The following LEMD2 variants were observed in gnomAD, a reference collection of about 807,000 sequenced individuals.
LEMD2 encodes LEM domain nuclear envelope protein 2, also known as LEM domain-containing protein 2.
LEMD2 carries 34 observed loss-of-function variants against 58.8 expected under a neutral mutation model. The ratio of observed to expected loss-of-function variants is 0.58; its 90% CI spans 0.44 to 0.77. The LOEUF (loss-of-function observed/expected upper bound fraction) is 0.77, where lower values mean the gene tolerates loss of function less well. LEMD2 is among the 30% of genes least tolerant of loss of function. The pLI, the probability that LEMD2 is intolerant of heterozygous loss-of-function variation, is 0.00. For synonymous variants in LEMD2, 298 were observed against 308.9 expected (o/e 0.96, Z 0.37); for missense variants, 629 against 717.9 (o/e 0.88, Z 1.42).
At chr6:33,781,025 T>C in intron 4 of LEMD2, 52 bp downstream of exon 4, 7 of 1,266,360 alleles carry the variant, frequency 5.5e-6, no homozygotes, top group East Asian at 2.3e-5. Context: ...GAAAGACCAA[T>C]AGGAAAGCAC....
At chr6:33,779,015 C>G (rs1767504065) in intron 5 of LEMD2, 1 of 152,210 alleles carries the variant, frequency 6.6e-6, no homozygotes, top group African/African-American at 2.4e-5. Context: ...GCGAGAATAT[C>G]ATGCTCTTGA....
At chr6:33,787,187 T>A (rs780253660) in intron 1 of LEMD2, 7 of 193,244 alleles carry the variant, frequency 3.6e-5, no homozygotes, top group South Asian at 9.0e-5. Flanking sequence ...GGAGGGGAAG[T>A]CCAGGTAAAT....
chr6:33,780,484 G>A (rs76112893), intron 4 of LEMD2, among the ~76,000 whole-genome samples: 10,470 of 152,248 alleles, frequency 0.069, 611 homozygotes, highest in African/African-American at 0.16. Context: ...GCTCATCTTA[G>A]GGTAAAGCGA....
intron 3 of LEMD2, among the ~76,000 whole-genome samples, chr6:33,783,408 A>G (rs1268093481): frequency 6.6e-6 from 1 of 152,100 alleles, no homozygotes; most frequent in Non-Finnish European, 1.5e-5. Flanking sequence ...CCCGACCCTA[A>G]TTTCCCAGTG....
chr6:33,780,048 A>T (rs1767528520), intron 5 of LEMD2, 52 bp downstream of exon 5: 2 of 1,446,200 alleles, frequency 1.4e-6, no homozygotes, highest in African/African-American at 2.8e-5. Flanking sequence ...CTGACGAGCG[A>T]GGACAGTGGT....
intron 2 of LEMD2, 50 bp from the exon 3 acceptor site, chr6:33,784,477 G>GGGGGGGGGGCCCCCCCCCCC: frequency 4.6e-6 from 2 of 430,810 alleles, no homozygotes; most frequent in Non-Finnish European, 4.8e-6. Flanking sequence ...GGTGGGAGGG[G>GGGGGGGGGGCCCCCCCCCCC]TCCGTCTGTC....
At chr6:33,774,748 G>C (rs989980260) in intron 8 of LEMD2, among the ~76,000 whole-genome samples, 2 of 152,132 alleles carry the variant, frequency 1.3e-5, no homozygotes, top group Non-Finnish European at 2.9e-5. Flanking sequence ...GTGACTTAAT[G>C]AACTTTGAGG....
intron 3 of LEMD2, 174 bp from the exon 4 acceptor site, chr6:33,781,327 TG>T (rs1767560579): frequency 1.3e-5 from 8 of 601,024 alleles, no homozygotes; most frequent in Middle Eastern, 2.6e-4. Context: ...CCACTTAGCT[TG>T]GATCGATTCC....
chr6:33,786,311 C>T (rs1486798654), intron 2 of LEMD2, among the ~76,000 whole-genome samples: 2 of 152,180 alleles, frequency 1.3e-5, no homozygotes, highest in Non-Finnish European at 2.9e-5. Flanking sequence ...ATCAGAACAG[C>T]ATTTTCAGAG....
At chr6:33,783,485 C>T (rs914318316) in intron 3 of LEMD2, among the ~76,000 whole-genome samples, 11 of 152,192 alleles carry the variant, frequency 7.2e-5, no homozygotes, top group Non-Finnish European at 1.5e-4. Flanking sequence ...GTAAGAGGCG[C>T]CTCTTGAATA....
chr6:33,774,808 A>G (rs1767392402), intron 8 of LEMD2, among the ~76,000 whole-genome samples: 1 of 152,218 alleles, frequency 6.6e-6, no homozygotes, highest in South Asian at 2.1e-4. Flanking sequence ...TCACTACCTA[A>G]TATCACATCT....
intron 8 of LEMD2, among the ~76,000 whole-genome samples, chr6:33,773,347 C>A (rs1037672551): frequency 6.6e-6 from 1 of 152,144 alleles, no homozygotes; most frequent in African/African-American, 2.4e-5. Flanking sequence ...CTTGCACCCC[C>A]CTGGACAGCC....
At position 33,776,955 on chromosome 6, in the gene LEMD2, G is replaced by C; in HGVS notation, c.1360C>G (p.Arg454Gly). 1 of 1,612,730 alleles carries C rather than the reference G, an allele frequency of 6.2e-7. No homozygotes were observed. The highest frequency in any genetic ancestry group is 1.1e-5 in the South Asian group (1 of 91,026). ...CCAGCGCCCCAGCCAGGGACTCACCGGCTCTGTGGAGGGATCAAGCTGTCG... is the reference window on the plus strand; with the variant it reads ...CCAGCGCCCCAGCCAGGGACTCACCCGCTCTGTGGAGGGATCAAGCTGTCG... ...VRDSLIPPQS[R>G]RRMKRVWDRA... Residue 454 changes from arginine to glycine, a missense_variant and splice_region_variant, in exon 8 of 9, where the codon CGG becomes GGG. Coordinates refer to ENST00000293760, the MANE Select transcript of LEMD2 (RefSeq NM_181336.4).
At chr6:33,774,430 ATTTTT>A (rs59520978) in intron 8 of LEMD2, among the ~76,000 whole-genome samples, 2 of 121,360 alleles carry the variant, frequency 1.6e-5, no homozygotes, top group Non-Finnish European at 3.4e-5. Context: ...TTGGTCTCCC[ATTTTT>A]TTTTTTTTTT....
At chr6:33,777,304 A>T in intron 6 of LEMD2, 65 bp from the exon 7 acceptor site, 1 of 1,091,386 alleles carries the variant, frequency 9.2e-7, no homozygotes, top group Non-Finnish European at 1.4e-6. Context: ...CACCATGGAC[A>T]AGATGCTGTG....
Position 33,777,244 on chromosome 6 carries a change from G to T in LEMD2, c.1157-5C>A. Reference sequence around the variant, plus strand: ...GCCCCCACAAAAAAGCCAAGCCTGTGAGGGAACAAAACACTGTTAATCCCT... The same window carrying T: ...GCCCCCACAAAAAAGCCAAGCCTGTTAGGGAACAAAACACTGTTAATCCCT... On this transcript the variant is annotated splice_polypyrimidine_tract_variant and splice_region_variant and intron_variant, in intron 6 of 8. Transcript: ENST00000293760. 6.3e-7 allele frequency: 1 copy of T among 1,598,708 alleles called. No homozygotes were observed.
chr6:33,777,072 C>A lies in LEMD2; in HGVS notation c.1259-16G>T. 13 of 1,612,754 alleles carry A rather than the reference C, an allele frequency of 8.1e-6. No homozygotes were observed. The highest frequency in any genetic ancestry group is 1.1e-5 in the Non-Finnish European group (13 of 1,178,742). ...TGGACCACGTCTGCAGGAGAGAGCA[C>A]ACCATTTAGGGCAAGGACCCTCTGG... On this transcript the variant is annotated splice_polypyrimidine_tract_variant and intron_variant, in intron 7 of 8. Transcript: ENST00000293760.
chr6:33,785,944 T>G (rs1256868678), intron 2 of LEMD2, among the ~76,000 whole-genome samples: 1 of 152,234 alleles, frequency 6.6e-6, no homozygotes, highest in African/African-American at 2.4e-5. Context: ...AGACAGTCAA[T>G]GCAGGGCTGG....
intron 1 of LEMD2, among the ~76,000 whole-genome samples, chr6:33,787,914 G>T (rs538420701): frequency 6.6e-6 from 1 of 152,234 alleles, no homozygotes; most frequent in Non-Finnish European, 1.5e-5. Context: ...GTGGAGAGTG[G>T]ACTTTTTGGT....
Sources: allele counts gnomAD v4.1 joint callset (sites outside exome capture counted in the v4.1 genomes callset), GRCh38; gene constraint gnomAD v4.1.1; transcripts MANE v1.5; gene names NCBI Gene and HGNC (gene_info 2026-07-23, HGNC 2026-07-21).